Variants in SLC38A4 observed in about 807,000 individuals in gnomAD.
SLC38A4 encodes sodium-coupled neutral amino acid transporter 4.
SLC38A4 carries 20 observed loss-of-function variants against 63.1 expected under a neutral mutation model. The observed-to-expected ratio is 0.32, with a 90% CI of 0.22 to 0.46. The LOEUF (loss-of-function observed/expected upper bound fraction) is 0.46, where lower values mean the gene tolerates loss of function less well. Ranked by LOEUF, SLC38A4 falls within the 20% of genes least tolerant of loss-of-function variation. The probability of loss-of-function intolerance (pLI) is 1.00; values close to 1 mark genes in which losing one functional copy is unlikely to be tolerated. For synonymous variants in SLC38A4, 230 were observed against 225.5 expected (o/e 1.02, Z -0.18); for missense variants, 526 against 663.6 (o/e 0.79, Z 2.28).
At chr12:46,769,137 C>T in intron 15 of SLC38A4, 147 bp downstream of exon 15, 1 of 813,464 alleles carries the variant, frequency 1.2e-6, no homozygotes, top group Non-Finnish European at 1.9e-6. Context: ...CAGTGAGCAG[C>T]TCAATCACCA....
chr12:46,822,579 T>C (rs907455205), intron 1 of SLC38A4, among the ~76,000 whole-genome samples: 1 of 152,176 alleles, frequency 6.6e-6, no homozygotes, highest in Non-Finnish European at 1.5e-5. Context: ...CTACTTTATG[T>C]TGAACATGAT....
At chr12:46,785,711 A>G (rs951827910) in intron 5 of SLC38A4, among the ~76,000 whole-genome samples, 3 of 149,460 alleles carry the variant, frequency 2.0e-5, no homozygotes, top group Non-Finnish European at 4.4e-5. Context: ...GAAAGCAGAG[A>G]AAGCTAAGGA....
intron 2 of SLC38A4, among the ~76,000 whole-genome samples, chr12:46,793,423 A>G (rs1938932763): frequency 6.6e-6 from 1 of 152,168 alleles, no homozygotes; most frequent in African/African-American, 2.4e-5. Flanking sequence ...GTGCCTATGT[A>G]TAATGAAAAT....
At chr12:46,800,426 T>C (rs778849424) in intron 2 of SLC38A4, among the ~76,000 whole-genome samples, 1 of 152,098 alleles carries the variant, frequency 6.6e-6, no homozygotes, top group African/African-American at 2.4e-5. Context: ...TCACTGAATA[T>C]ATTAGGCTTC....
At chr12:46,794,103 T>A (rs1239753800) in intron 2 of SLC38A4, among the ~76,000 whole-genome samples, 1 of 152,130 alleles carries the variant, frequency 6.6e-6, no homozygotes, top group East Asian at 1.9e-4. Context: ...TCATGACATG[T>A]GCAATACCCA....
At chr12:46,804,734 A>C (rs1477122122) in intron 1 of SLC38A4, among the ~76,000 whole-genome samples, 2 of 152,020 alleles carry the variant, frequency 1.3e-5, no homozygotes, top group Non-Finnish European at 2.9e-5. Flanking sequence ...TAGTATTGCA[A>C]ACTTACTTTT....
chr12:46,778,495 A>T lies in SLC38A4; in HGVS notation c.993+6T>A. 6.2e-7 allele frequency: 1 copy of T among 1,610,332 alleles called. No homozygotes were observed. Among genetic ancestry groups the T allele is most frequent in the Non-Finnish European group, 8.5e-7 (1 of 1,177,184 alleles). On this transcript the variant is annotated splice_donor_region_variant and intron_variant, in intron 11 of 16. Transcript: ENST00000266579. ...TACTCATTAGAAGCCCGGACCGCTC[A>T]CTTACCCGGGAGTTGAATACAAAGT...
Position 46,779,787 on chromosome 12 carries a change from T to C in SLC38A4, c.651A>G (p.Lys217=), listed in dbSNP as rs754124304. 2 of 1,607,656 alleles carry C rather than the reference T, an allele frequency of 1.2e-6. No homozygotes were observed. The highest frequency in any genetic ancestry group is 2.7e-5 in the African/African-American group (2 of 74,452). Reference sequence around the variant, plus strand: ...GTTAGAAAATATCTTTACCTAAATTTTTAAGGAGCGAAAGTGGAAGAATAA... The same window carrying C: ...GTTAGAAAATATCTTTACCTAAATTCTTAAGGAGCGAAAGTGGAAGAATAA... ...VGIILPLSLL[K]NLGYLGYTSG... Residue 217 remains lysine, a synonymous_variant, in exon 9 of 17, where the codon AAA becomes AAG. Coordinates refer to ENST00000266579, the MANE Select transcript of SLC38A4 (RefSeq NM_018018.5).
intron 1 of SLC38A4, among the ~76,000 whole-genome samples, chr12:46,820,386 T>C (rs1299539659): frequency 2.0e-5 from 3 of 152,036 alleles, no homozygotes; most frequent in Non-Finnish European, 4.4e-5. Context: ...GCTTCTGAGT[T>C]TGACTACTCT....
chr12:46,784,001 A>C (rs1234452926), intron 7 of SLC38A4, among the ~76,000 whole-genome samples: 2 of 152,042 alleles, frequency 1.3e-5, no homozygotes, highest in Admixed American at 1.3e-4. Flanking sequence ...GGGAATTATA[A>C]GAATCCATAG....
chr12:46,775,168 C>T lies in SLC38A4; in HGVS notation c.1180G>A (p.Val394Ile), dbSNP rs1420604181. Residue 394 changes from valine (V) to isoleucine (I), a missense_variant, in exon 14 of 17, where the codon GTT becomes ATT. Transcript: ENST00000266579. ...TAGGCATGAAGTAATTCATCTTCAACTTCTCCTACAACAGGAAAAAGAGAA... is the reference window on the plus strand; with the variant it reads ...TAGGCATGAAGTAATTCATCTTCAATTTCTCCTACAACAGGAAAAAGAGAA... Reference protein sequence around the residue: ...LFGYLTFYGEVEDELLHAYSK... With the variant: ...LFGYLTFYGEIEDELLHAYSK... 6.2e-7 allele frequency: 1 copy of T among 1,611,412 alleles called. No homozygotes were observed. The highest frequency in any genetic ancestry group is 8.5e-7 in the Non-Finnish European group (1 of 1,178,502).
At chr12:46,787,183 G>T (rs1414885882) in intron 5 of SLC38A4, among the ~76,000 whole-genome samples, 1 of 152,182 alleles carries the variant, frequency 6.6e-6, no homozygotes, top group Non-Finnish European at 1.5e-5. Context: ...AACAAATATT[G>T]CCTGTACCAG....
intron 1 of SLC38A4, among the ~76,000 whole-genome samples, chr12:46,815,282 TATAC>T (rs1330058382): frequency 1.4e-3 from 125 of 90,072 alleles, no homozygotes; most frequent in African/African-American, 4.3e-3. Context: ...TATATATATA[TATAC>T]ACACACACAC....
intron 2 of SLC38A4, among the ~76,000 whole-genome samples, chr12:46,802,022 T>A (rs1257164255): frequency 6.6e-6 from 1 of 152,050 alleles, no homozygotes; most frequent in Non-Finnish European, 1.5e-5. Context: ...TTAAGATAAA[T>A]AACCAAATAC....
chr12:46,832,248 A>G (rs988624909), intron 1 of SLC38A4: 1 of 152,006 alleles, frequency 6.6e-6, no homozygotes. Flanking sequence ...CACCCATCCG[A>G]TAGGCTGGGA....
chr12:46,820,564 A>G (rs895687329), intron 1 of SLC38A4, among the ~76,000 whole-genome samples: 1 of 151,966 alleles, frequency 6.6e-6, no homozygotes, highest in Non-Finnish European at 1.5e-5. Flanking sequence ...CGTTTTCTTT[A>G]TCTATTCATC....
chr12:46,779,673 G>C lies in SLC38A4; in HGVS notation c.659-4C>G. On this transcript the variant is annotated splice_region_variant and splice_polypyrimidine_tract_variant and intron_variant, in intron 9 of 16. Coordinates refer to ENST00000266579, the MANE Select transcript of SLC38A4 (RefSeq NM_018018.5). ...CCACTGGTATAGCCAAGATAACCTA[G>C]AAGTTAGAAGAAGCATTTTGGAAGG... 1 of 1,602,830 alleles carries C rather than the reference G, an allele frequency of 6.2e-7. No homozygotes were observed. Among genetic ancestry groups the C allele is most frequent in the Non-Finnish European group, 8.5e-7 (1 of 1,176,506 alleles).
Position 46,788,992 on chromosome 12 carries a change from C to A in SLC38A4, c.120-374G>T, listed in dbSNP as rs140379265. Among the ~76,000 whole-genome samples, 608 of 152,286 alleles carry A rather than the reference C, an allele frequency of 4.0e-3. 1 individual carries two copies. Among genetic ancestry groups the A allele is most frequent in the African/African-American group, 0.013 (555 of 41,558 alleles). ...CAGAATTTTCTGAACTACTACCATA[C>A]CATAATCAGATGATTTTATTAATTC... On this transcript the variant is annotated intron_variant, in intron 3 of 16. Coordinates refer to ENST00000266579, the MANE Select transcript of SLC38A4 (RefSeq NM_018018.5).
intron 7 of SLC38A4, among the ~76,000 whole-genome samples, chr12:46,781,962 T>C (rs1188393206): frequency 6.6e-6 from 1 of 152,054 alleles, no homozygotes. Flanking sequence ...AAATGTAAAG[T>C]GGTCTATTTG....
Sources: allele counts gnomAD v4.1 joint callset (sites outside exome capture counted in the v4.1 genomes callset), GRCh38; gene constraint gnomAD v4.1.1; transcripts MANE v1.5; gene names NCBI Gene and HGNC (gene_info 2026-07-23, HGNC 2026-07-21).